Variants in KLRD1 observed in about 807,000 individuals in gnomAD.
The protein encoded by KLRD1 is natural killer cells antigen CD94.
In KLRD1, 21 loss-of-function variants were observed where a neutral mutation model predicts 22.6. The ratio of observed to expected loss-of-function variants is 0.93; its 90% CI spans 0.66 to 1.34. The LOEUF is 1.34. KLRD1 is among the 40% of genes most tolerant of loss of function. KLRD1 has a pLI of 0.00. For synonymous variants in KLRD1, 59 were observed against 71.1 expected, an observed-to-expected ratio of 0.83 and a Z score of 0.85; for missense variants, 183 against 208.6, an observed-to-expected ratio of 0.88 and a Z score of 0.76.
rs1950368011 is a variant in KLRD1, at chr12:10,327,042, A to G, written c.*12249A>G. 6.6e-6 allele frequency: 1 copy of G among 152,172 alleles called. No individual in the cohort carries two copies. Among genetic ancestry groups the G allele is most frequent in the Non-Finnish European group, 1.5e-5 (1 of 68,016 alleles). 9.4% of individuals were successfully genotyped at this position (152,172 alleles called of 1,614,324 possible). On this transcript the variant is annotated 3_prime_UTR_variant, in exon 6 of 6. Coordinates refer to ENST00000336164, the MANE Select transcript of KLRD1 (RefSeq NM_002262.5). ...CTTTGAAGGGCTTTACATTTTCAGT[A>G]CTTACATTTAGGCTTTTAATCCATT... is the stretch of plus-strand genomic sequence containing the variant.
At chr12:10,253,704 A>G (rs1281089168) in intron 1 of KLRD1, among the ~76,000 whole-genome samples, 1 of 152,186 alleles carries the variant, frequency 6.6e-6, no homozygotes, top group Non-Finnish European at 1.5e-5. Flanking sequence ...TGCTAAGGAT[A>G]GTAGCCCCCA....
chr12:10,304,198 A>G (rs74060328), upstream of KLRD1, among the ~76,000 whole-genome samples: 5,877 of 152,182 alleles, frequency 0.039, 382 homozygotes, highest in African/African-American at 0.13. Flanking sequence ...AAAAGCACCC[A>G]CTCATTCTTA....
intron 1 of KLRD1, among the ~76,000 whole-genome samples, chr12:10,280,788 G>A (rs570541221): frequency 1.3e-5 from 2 of 152,328 alleles, no homozygotes; most frequent in South Asian, 4.1e-4. Flanking sequence ...GAGGTGAGGT[G>A]TGGTTTGAAA....
upstream of KLRD1, among the ~76,000 whole-genome samples, chr12:10,301,092 C>A (rs1949862288): frequency 6.6e-6 from 1 of 152,128 alleles, no homozygotes; most frequent in Non-Finnish European, 1.5e-5. Context: ...TGGCCCCACC[C>A]CCAAATTTCA....
intron 1 of KLRD1, among the ~76,000 whole-genome samples, chr12:10,294,649 C>T (rs1949806739): frequency 6.6e-6 from 1 of 152,158 alleles, no homozygotes; most frequent in African/African-American, 2.4e-5. Context: ...GATCCACCTG[C>T]TTTGGCCTCC....
At chr12:10,253,316 G>A (rs1202802209) in intron 1 of KLRD1, among the ~76,000 whole-genome samples, 3 of 152,132 alleles carry the variant, frequency 2.0e-5, no homozygotes, top group Non-Finnish European at 4.4e-5. Context: ...CTGATACTCC[G>A]TTCATACACT....
rs975575254 is a variant in KLRD1 at position 10,318,526 on chromosome 12, G to A, written c.*3733G>A. The A allele has an allele frequency of 2.6e-5, 4 of 152,004 alleles. No individual in the cohort carries two copies. The highest frequency in any genetic ancestry group is 7.3e-5 in the African/African-American group (3 of 41,372). 9.4% of individuals were successfully genotyped at this position (152,004 alleles called of 1,614,324 possible). A position where few individuals can be genotyped will look rare whatever the true frequency, so the allele number is the denominator to read the frequency against. The stretch of plus-strand genomic sequence containing the variant: ...CTTGTTTGAATTCTCTTTCTCATAC[G>A]GTATCATATTCCTTTCACTTATTAA... On this transcript the variant is annotated 3_prime_UTR_variant, in exon 6 of 6. Transcript: ENST00000336164.
chr12:10,324,816 G>GTATATATATATATATA lies in KLRD1; in HGVS notation c.*10024_*10025insATATATATATATATAT, dbSNP rs1397212198. On this transcript the variant is annotated 3_prime_UTR_variant, in exon 6 of 6. Transcript: ENST00000336164. ...TAAGTATATATGTATATGTGTGTGT[G>GTATATATATATATATA]TGTATATATATATATATATATATAT... 782 of 16,368 alleles carry GTATATATATATATATA rather than the reference G, an allele frequency of 0.048. 12 individuals are homozygous for GTATATATATATATATA. Among genetic ancestry groups the GTATATATATATATATA allele is most frequent in the African/African-American group, 0.062 (728 of 11,732 alleles). 1.0% of individuals were successfully genotyped at this position (16,368 alleles called of 1,614,324 possible).
At chr12:10,286,661 G>GTTTTTTTTTTTTTTT (rs1565459881) in intron 1 of KLRD1, among the ~76,000 whole-genome samples, 1 of 49,318 alleles carries the variant, frequency 2.0e-5, no homozygotes, top group African/African-American at 7.1e-5. Flanking sequence ...CGCTTATGGT[G>GTTTTTTTTTTTTTTT]CTTTTTTTTT....
intron 1 of KLRD1, among the ~76,000 whole-genome samples, chr12:10,249,635 G>A (rs1006400895): frequency 1.3e-5 from 2 of 152,076 alleles, no homozygotes; most frequent in East Asian, 1.9e-4. Flanking sequence ...TGGGGAAATC[G>A]TCAATTTTTT....
At chr12:10,271,223 G>A (rs1192692933) in intron 1 of KLRD1, among the ~76,000 whole-genome samples, 1 of 151,824 alleles carries the variant, frequency 6.6e-6, no homozygotes, top group Non-Finnish European at 1.5e-5. Flanking sequence ...ACTTCATCGT[G>A]TTCATCATGA....
chr12:10,293,279 G>A (rs547769383), intron 1 of KLRD1, among the ~76,000 whole-genome samples: 9 of 148,928 alleles, frequency 6.0e-5, no homozygotes, highest in Non-Finnish European at 1.3e-4. Context: ...CAGGCCTTTC[G>A]GCCTATGTGG....
At chr12:10,247,590 A>C (rs35510688) in intron 1 of KLRD1, among the ~76,000 whole-genome samples, 10,281 of 152,106 alleles carry the variant, frequency 0.068, 409 homozygotes, top group East Asian at 0.17. Context: ...TAATTTAGTG[A>C]GTCTAAGATA....
At chr12:10,296,687 GAGAA>G (rs1215110057) in intron 1 of KLRD1, among the ~76,000 whole-genome samples, 2 of 152,164 alleles carry the variant, frequency 1.3e-5, no homozygotes, top group African/African-American at 4.8e-5. Flanking sequence ...AAGAGAGAGA[GAGAA>G]AGAGGAGTCA....
At chr12:10,276,989 T>G (rs1012187200) in intron 1 of KLRD1, among the ~76,000 whole-genome samples, 1 of 152,140 alleles carries the variant, frequency 6.6e-6, no homozygotes, top group Admixed American at 6.5e-5. Context: ...GACTCACCAT[T>G]AAGTCTAGTT....
chr12:10,245,191 C>G (rs1469658009), intron 1 of KLRD1, among the ~76,000 whole-genome samples: 1 of 151,992 alleles, frequency 6.6e-6, no homozygotes, highest in Non-Finnish European at 1.5e-5. Context: ...AACTCTGCCT[C>G]TACAAAAAAT....
At chr12:10,273,767 T>C (rs1339470523) in intron 1 of KLRD1, among the ~76,000 whole-genome samples, 1 of 152,084 alleles carries the variant, frequency 6.6e-6, no homozygotes, top group Non-Finnish European at 1.5e-5. Flanking sequence ...AAAGTATAAT[T>C]TCAAAAATTA....
rs757508847 is a variant in KLRD1, at chr12:10,315,967, A to C, written c.*1174A>C. 5 of 151,784 alleles carry C rather than the reference A, an allele frequency of 3.3e-5. No homozygotes were observed. Among genetic ancestry groups the C allele is most frequent in the South Asian group, 2.1e-4 (1 of 4,790 alleles). The allele number at this position is 151,784 out of a possible 1,614,324, so 9.4% of individuals were successfully genotyped here. A position where few individuals can be genotyped will look rare whatever the true frequency, so the allele number is the denominator to read the frequency against. Reference sequence around the variant, plus strand: ...ACCCTGTCTCTACTAAAAATACAAAAATTGGCTGGGTGTGGTAGTGCACAC... The same window carrying C: ...ACCCTGTCTCTACTAAAAATACAAACATTGGCTGGGTGTGGTAGTGCACAC... On this transcript the variant is annotated 3_prime_UTR_variant, in exon 6 of 6. Transcript: ENST00000336164.
At chr12:10,265,104 C>T (rs1949487491) in intron 1 of KLRD1, among the ~76,000 whole-genome samples, 2 of 151,942 alleles carry the variant, frequency 1.3e-5, no homozygotes, top group Non-Finnish European at 2.9e-5. Flanking sequence ...CACATATTTA[C>T]TTATATTTTA....
Sources: gnomAD v4.1 joint callset for allele counts (sites outside exome capture counted in the v4.1 genomes callset) on GRCh38, gnomAD v4.1.1 for gene constraint, MANE v1.5 for transcripts, NCBI Gene and HGNC (gene_info 2026-07-23, HGNC 2026-07-21) for gene names.